Variants in DEPTOR observed in about 807,000 individuals in gnomAD.
DEPTOR encodes DEP domain-containing mTOR-interacting protein.
DEPTOR carries 41 observed loss-of-function variants against 41.6 expected under a neutral mutation model. That is an observed-to-expected ratio of 0.98 (90% CI 0.77 to 1.28). The LOEUF (loss-of-function observed/expected upper bound fraction) is 1.28. Among genes scored for constraint, DEPTOR ranks in the 50% most tolerant of loss-of-function variants. The pLI, the probability that DEPTOR is intolerant of heterozygous loss-of-function variation, is 0.00. For synonymous variants in DEPTOR, 195 were observed against 192.3 expected (o/e 1.01, Z -0.12); for missense variants, 514 against 527.9 (o/e 0.97, Z 0.26).
intron 3 of DEPTOR, among the ~76,000 whole-genome samples, chr8:119,955,669 T>A (rs562553112): frequency 3.7e-4 from 56 of 152,268 alleles, no homozygotes; most frequent in African/African-American, 1.3e-3. Flanking sequence ...TTTCTCCATG[T>A]TGGTCAGGTT....
Position 120,001,726 on chromosome 8 carries a change from A to AT in DEPTOR, c.790+19dup. The AT allele has an allele frequency of 6.2e-7, 1 of 1,603,252 alleles. No individual in the cohort carries two copies. The highest frequency in any genetic ancestry group is 1.7e-5 in the Admixed American group (1 of 59,202). On this transcript the variant is annotated intron_variant, in intron 5 of 8. Transcript: ENST00000286234. ...TTTATGTCAGGTATGCCATCCCGGC[A>AT]TTTATTGGAGCTCAAGTGTTTGTCT...
At chr8:120,013,974 G>A (rs892280723) in intron 8 of DEPTOR, among the ~76,000 whole-genome samples, 4 of 151,958 alleles carry the variant, frequency 2.6e-5, no homozygotes, top group African/African-American at 9.7e-5. Context: ...CGAGTAGCTG[G>A]GATTACAGGC....
chr8:120,018,894 A>G (rs1487523841), intron 8 of DEPTOR, among the ~76,000 whole-genome samples: 1 of 152,226 alleles, frequency 6.6e-6, no homozygotes, highest in African/African-American at 2.4e-5. Context: ...TAATACAGCG[A>G]TAACAGTGCA....
At chr8:120,049,004 A>G (rs1813192784) in intron 8 of DEPTOR, among the ~76,000 whole-genome samples, 1 of 152,210 alleles carries the variant, frequency 6.6e-6, no homozygotes. Flanking sequence ...TAATAAGTAT[A>G]GATATTTTTG....
At chr8:120,031,335 TG>T (rs1294638682) in intron 8 of DEPTOR, among the ~76,000 whole-genome samples, 2 of 152,032 alleles carry the variant, frequency 1.3e-5, no homozygotes, top group Non-Finnish European at 2.9e-5. Flanking sequence ...TGTGGTGGTG[TG>T]CACCTGTAAT....
intron 8 of DEPTOR, among the ~76,000 whole-genome samples, chr8:120,041,921 C>T (rs971404323): frequency 1.3e-5 from 2 of 152,074 alleles, no homozygotes; most frequent in South Asian, 2.1e-4. Context: ...TTTTGTTCTT[C>T]CTTTTCATTC....
At chr8:119,883,816 G>A (rs993985155) in intron 1 of DEPTOR, among the ~76,000 whole-genome samples, 3 of 152,142 alleles carry the variant, frequency 2.0e-5, no homozygotes, top group Non-Finnish European at 4.4e-5. Flanking sequence ...TGGGCCAGTA[G>A]GTATCTATGT....
At chr8:120,012,683 C>T (rs988292185) in intron 8 of DEPTOR, among the ~76,000 whole-genome samples, 6 of 152,076 alleles carry the variant, frequency 3.9e-5, no homozygotes, top group African/African-American at 7.2e-5. Context: ...ACTACAGGCA[C>T]GCACCACCAT....
rs564456710 is a variant in DEPTOR, at chr8:119,908,518, G to C, written c.123-19882G>C. Among the ~76,000 whole-genome samples, 284 of 142,566 alleles carry C rather than the reference G, an allele frequency of 2.0e-3. 1 individual carries two copies. The highest frequency in any genetic ancestry group is 7.5e-3 in the African/African-American group (273 of 36,174). The allele number at this position is 142,566 out of a possible 152,430, so 93.5% of individuals were successfully genotyped here. A position where few individuals can be genotyped will look rare whatever the true frequency, so the allele number is the denominator to read the frequency against. On this transcript the variant is annotated intron_variant, in intron 1 of 8. Transcript: ENST00000286234. ...CCTTCCTAACAAATTATTTGAACTT[G>C]TGGAGGAGATGATGGGAATCTTGAT...
chr8:119,913,940 C>T (rs1443528914), intron 1 of DEPTOR, among the ~76,000 whole-genome samples: 1 of 152,184 alleles, frequency 6.6e-6, no homozygotes. Flanking sequence ...GACAAGCCCT[C>T]CTGCTTTTCC....
At chr8:119,891,900 A>G (rs1412162041) in intron 1 of DEPTOR, among the ~76,000 whole-genome samples, 1 of 152,228 alleles carries the variant, frequency 6.6e-6, no homozygotes, top group Non-Finnish European at 1.5e-5. Flanking sequence ...TTACTTGCAT[A>G]ACTCAACTGA....
chr8:119,936,392 G>A (rs1354765304), intron 3 of DEPTOR, among the ~76,000 whole-genome samples: 1 of 152,178 alleles, frequency 6.6e-6, no homozygotes, highest in East Asian at 1.9e-4. Context: ...TGTACCATGA[G>A]CTACACAGAG....
chr8:119,987,659 C>T (rs1188397827), intron 4 of DEPTOR, among the ~76,000 whole-genome samples: 1 of 152,154 alleles, frequency 6.6e-6, no homozygotes, highest in African/African-American at 2.4e-5. Context: ...GTGCTCTGTC[C>T]CAGGGAGAGG....
intron 3 of DEPTOR, among the ~76,000 whole-genome samples, chr8:119,948,676 C>G (rs116923625): frequency 0.016 from 2,402 of 152,156 alleles, 36 homozygotes; most frequent in Non-Finnish European, 0.027. Flanking sequence ...AAAAAGAAAC[C>G]CCTTACCCCA....
chr8:119,960,574 G>T (rs1828477449), intron 3 of DEPTOR, among the ~76,000 whole-genome samples: 1 of 152,106 alleles, frequency 6.6e-6, no homozygotes, highest in African/African-American at 2.4e-5. Flanking sequence ...CCCAATGTAG[G>T]TACAATGATT....
At chr8:119,875,940 G>A (rs144921639) in intron 1 of DEPTOR, among the ~76,000 whole-genome samples, 5 of 152,316 alleles carry the variant, frequency 3.3e-5, no homozygotes, top group East Asian at 3.9e-4. Flanking sequence ...TGTAGCAGGC[G>A]AGTGATAACA....
At chr8:119,955,909 A>G (rs1259062503) in intron 3 of DEPTOR, among the ~76,000 whole-genome samples, 1 of 152,178 alleles carries the variant, frequency 6.6e-6, no homozygotes, top group African/African-American at 2.4e-5. Flanking sequence ...GAAGAGAAGG[A>G]GAAGAACTCA....
intron 3 of DEPTOR, among the ~76,000 whole-genome samples, chr8:119,942,742 A>G (rs1337509030): frequency 6.6e-6 from 1 of 152,196 alleles, no homozygotes; most frequent in Non-Finnish European, 1.5e-5. Context: ...GACATGTCAG[A>G]GTTCTTATCC....
At chr8:119,884,991 G>A (rs1368746697) in intron 1 of DEPTOR, among the ~76,000 whole-genome samples, 4 of 152,146 alleles carry the variant, frequency 2.6e-5, no homozygotes, top group Admixed American at 6.5e-5. Flanking sequence ...GTCCAGGCTG[G>A]TCTCAAACTT....
Sources: allele counts gnomAD v4.1 joint callset (sites outside exome capture counted in the v4.1 genomes callset), GRCh38; gene constraint gnomAD v4.1.1; transcripts MANE v1.5; gene names NCBI Gene and HGNC (gene_info 2026-07-23, HGNC 2026-07-21).